Variants in C4orf50 observed in about 807,000 individuals in gnomAD.
The protein encoded by C4orf50 is uncharacterized protein C4orf50.
Under a neutral mutation model 77.2 loss-of-function variants are expected in C4orf50, and 80 were observed. The observed-to-expected ratio is 1.04, with a 90% CI of 0.87 to 1.25. The LOEUF (loss-of-function observed/expected upper bound fraction) is 1.25. Among genes scored for constraint, C4orf50 ranks in the 50% most tolerant of loss-of-function variants. The pLI is 0.00. For missense variants in C4orf50, 1,257 were observed against 1,152.9 expected, an observed-to-expected ratio of 1.09 and a Z score of -1.31; for synonymous variants, 532 against 465.3, an observed-to-expected ratio of 1.14 and a Z score of -1.84.
intron 25 of C4orf50, among the ~76,000 whole-genome samples, chr4:5,999,865 G>C (rs1352657351): frequency 6.6e-6 from 1 of 152,152 alleles, no homozygotes; most frequent in Non-Finnish European, 1.5e-5. Flanking sequence ...CAGCCTGAGT[G>C]GGGGTGGGCA....
intron 7 of C4orf50, among the ~76,000 whole-genome samples, chr4:5,947,565 CCT>C (rs111919201): frequency 0.33 from 50,018 of 151,954 alleles, 8,606 homozygotes; most frequent in Non-Finnish European, 0.37. Context: ...GAAAACAACC[CCT>C]GAGAGGCTAG....
chr4:5,957,664 G>A (rs945765025), exon 34 of C4orf50: 1 of 152,178 alleles, frequency 6.6e-6, no homozygotes, highest in African/African-American at 2.4e-5. Context: ...TCGCACAGCA[G>A]TCACTAAATG....
In C4orf50 at chr4:5,989,141, C is replaced by CCT. The variant is rs143859826; in HGVS notation, c.2903_2904dup (p.Val969ArgfsTer2). 152 of 1,395,440 alleles carry CCT rather than the reference C, an allele frequency of 1.1e-4. No homozygotes were observed. Among genetic ancestry groups the CCT allele is most frequent in the South Asian group, 5.4e-4 (42 of 77,364 alleles). 86.4% of individuals were successfully genotyped at this position (1,395,440 alleles called of 1,614,324 possible). ...CGCTCGAGCCTGGATATTTTTGTCA[C>CCT]CTCTCTCTCTCTCTCTCTTTCAAGG... On this transcript the variant is annotated frameshift_variant, in exon 28 of 34. Transcript: ENST00000531445. LOFTEE classifies it high-confidence loss of function.
chr4:5,927,445 T>C (rs1361490185), intron 7 of C4orf50, among the ~76,000 whole-genome samples: 2 of 151,944 alleles, frequency 1.3e-5, no homozygotes, highest in East Asian at 3.9e-4. Flanking sequence ...TCCAGTGATA[T>C]GGCTTGGCTC....
In C4orf50 at chr4:5,945,111, G is replaced by A. The variant is rs1718426700; in HGVS notation, c.*2474+11790C>T. On this transcript the variant is annotated intron_variant, in intron 7 of 7. Coordinates refer to the C4orf50 transcript ENST00000324058. ...AGCACTGGAGCGTGCATGGGGAGGT[G>A]CCTTGGGCTGAGGGTTTTGCGGCCC... Among the ~76,000 whole-genome samples, 4 of 152,188 alleles carry A rather than the reference G, an allele frequency of 2.6e-5. No homozygotes were observed. In the South Asian group the frequency reaches 8.3e-4, roughly 31 times the overall value.
intron 7 of C4orf50, among the ~76,000 whole-genome samples, chr4:5,944,565 A>G (rs1718402107): frequency 6.6e-6 from 1 of 152,134 alleles, no homozygotes; most frequent in Non-Finnish European, 1.5e-5. Context: ...CACAAGCCAC[A>G]CCTTGGTTCA....
rs961402864 is a variant in C4orf50, at chr4:5,947,629, G to A, written c.*2474+9272C>T. On this transcript the variant is annotated intron_variant, in intron 7 of 7. Coordinates refer to the C4orf50 transcript ENST00000324058. ...GAGAGGCAGAGGCAGCTCCCGCACT[G>A]CAGCCCCGAGGGCCTCCCACACTCA... 4.6e-5 allele frequency among the ~76,000 whole-genome samples: 7 copies of A among 152,226 alleles called. No homozygotes were observed. In the South Asian group the frequency reaches 1.5e-3, roughly 32 times the overall value.
intron 25 of C4orf50, among the ~76,000 whole-genome samples, chr4:6,003,414 G>T (rs1034249166): frequency 6.6e-6 from 1 of 152,044 alleles, no homozygotes; most frequent in Non-Finnish European, 1.5e-5. Flanking sequence ...GAAGAGATGA[G>T]GAGGAGGGTG....
rs964879992 is a variant in C4orf50 at position 5,919,708 on chromosome 4, G to C, written c.*2475-21520C>G. Among the ~76,000 whole-genome samples, 3 of 152,122 alleles carry C rather than the reference G, an allele frequency of 2.0e-5. No individual in the cohort carries two copies. The highest frequency in any genetic ancestry group is 7.2e-5 in the African/African-American group (3 of 41,416). On this transcript the variant is annotated intron_variant, in intron 7 of 7. Transcript: ENST00000324058. This position sits in a 1 kb window ranked among gnomAD's most constrained non-coding sequence, Gnocchi z 6.5. ...CTGGCTGCTGCAAATAAGAATTGGT[G>C]CCTACTGGGCCCTGGAGGGACCACA...
intron 7 of C4orf50, among the ~76,000 whole-genome samples, chr4:5,946,913 G>A (rs34671060): frequency 0.23 from 34,847 of 152,166 alleles, 4,940 homozygotes; most frequent in Admixed American, 0.37. Flanking sequence ...TTTCTTTGTG[G>A]CACTACAGAA....
rs1185940495 is a variant in C4orf50 at position 6,017,160 on chromosome 4, G to T, written c.287+985C>A. ...CCCACAGCAGGAAGTTCTACAGAGA[G>T]AAACGAATGCGGAGAACCTATTTCA... On this transcript the variant is annotated intron_variant, in intron 23 of 33. Coordinates refer to ENST00000531445, the Ensembl canonical transcript of C4orf50. This position sits in a 1 kb window ranked among gnomAD's most constrained non-coding sequence, Gnocchi z 4.7. 6.6e-6 allele frequency among the ~76,000 whole-genome samples: 1 copy of T among 152,242 alleles called. No individual in the cohort carries two copies. Among genetic ancestry groups the T allele is most frequent in the Non-Finnish European group, 1.5e-5 (1 of 68,038 alleles).
chr4:5,988,819 A>C (rs1365599546), exon 28 of C4orf50: 1 of 1,536,014 alleles, frequency 6.5e-7, no homozygotes, highest in African/African-American at 1.4e-5. Flanking sequence ...TTCTATTCCT[A>C]GCACGATATC....
rs550343901 is a variant in C4orf50, at chr4:6,011,343, C to T, written c.426+487G>A. Among the ~76,000 whole-genome samples the T allele has an allele frequency of 2.0e-5, 3 of 152,130 alleles. No homozygotes were observed. Among genetic ancestry groups the T allele is most frequent in the South Asian group, 2.1e-4 (1 of 4,828 alleles). On this transcript the variant is annotated intron_variant, in intron 24 of 33. Transcript: ENST00000531445. This position sits in a 1 kb window ranked among gnomAD's most constrained non-coding sequence, Gnocchi z 4.2. ...CTCCCACACCTCTGTGCTACGGCCC[C>T]GTGCTGTCAGCCACGCCTCACATGC...
At position 5,908,916 on chromosome 4, in the gene C4orf50, C is replaced by T. The variant is rs2152480866; in HGVS notation, c.*2475-10728G>A. Reference sequence around the variant, plus strand: ...GAAAGTACAGAATGGGGGTTACCTGCTCTGTCATTCACTCCCCTGAATGGC... The same window carrying T: ...GAAAGTACAGAATGGGGGTTACCTGTTCTGTCATTCACTCCCCTGAATGGC... On this transcript the variant is annotated intron_variant, in intron 7 of 7. Transcript: ENST00000324058. This position sits in a 1 kb window ranked among gnomAD's most constrained non-coding sequence, Gnocchi z 5.6. Among the ~76,000 whole-genome samples, 1 of 152,276 alleles carries T rather than the reference C, an allele frequency of 6.6e-6. No individual in the cohort carries two copies. The highest frequency in any genetic ancestry group is 2.1e-4 in the South Asian group (1 of 4,824).
In C4orf50 at chr4:6,014,160, G is replaced by A. The variant is rs192388433; in HGVS notation, c.288-2192C>T. 4.9e-3 allele frequency among the ~76,000 whole-genome samples: 740 copies of A among 152,144 alleles called. 3 individuals are homozygous for A. Among genetic ancestry groups the A allele is most frequent in the African/African-American group, 0.017 (707 of 41,526 alleles). On this transcript the variant is annotated intron_variant, in intron 23 of 33. Transcript: ENST00000531445. ...TGGGATTACAGGCATGTGCCACCAC[G>A]CCTGGCTAATTTTGTATTTTTAGTA...
In C4orf50 at chr4:5,959,287, G is replaced by A. The variant is rs57953103; in HGVS notation, c.*88C>T. On this transcript the variant is annotated 3_prime_UTR_variant, in exon 34 of 34. Coordinates refer to ENST00000531445, the Ensembl canonical transcript of C4orf50. ...TTGCCACTAAATGAGGGCTCTGATT[G>A]CTACCAATTTCTTAAAGCACTCTCT... The A allele has an allele frequency of 6.1e-4, 877 of 1,440,146 alleles. 7 individuals carry two copies. In the East Asian group the frequency reaches 0.011, roughly 18 times the overall value. 89.2% of individuals were successfully genotyped at this position (1,440,146 alleles called of 1,614,324 possible). A position where few individuals can be genotyped will look rare whatever the true frequency, so the allele number is the denominator to read the frequency against.
At chr4:5,954,176 A>G (rs1477530801), downstream of C4orf50, among the ~76,000 whole-genome samples, 5 of 152,116 alleles carry the variant, frequency 3.3e-5, no homozygotes, top group Non-Finnish European at 5.9e-5. This position sits in a 1 kb window ranked among gnomAD's most constrained non-coding sequence, Gnocchi z 4.7. Flanking sequence ...CCATGGATGG[A>G]CTATCAGTGA....
intron 7 of C4orf50, among the ~76,000 whole-genome samples, chr4:5,935,987 T>C (rs577450133): frequency 4.6e-5 from 7 of 152,244 alleles, no homozygotes; most frequent in African/African-American, 1.4e-4. Context: ...CTAACTTGGA[T>C]ACGGCACTTA....
At chr4:5,990,951 A>G (rs1721250667) in intron 27 of C4orf50, 127 bp from the exon 6 acceptor site, 3 of 397,710 alleles carry the variant, frequency 7.5e-6, no homozygotes, top group Non-Finnish European at 8.8e-6. Flanking sequence ...GCTCTTTCCC[A>G]CACAGGACAC....
Sources: gnomAD v4.1 joint callset for allele counts (sites outside exome capture counted in the v4.1 genomes callset) on GRCh38, gnomAD v4.1.1 for gene constraint, Gnocchi (gnomAD v3.1) non-coding constraint, MANE v1.5 for transcripts, NCBI Gene and HGNC (gene_info 2026-07-23, HGNC 2026-07-21) for gene names.